MTDH: variants seen among roughly 807,000 people sequenced by gnomAD.
MTDH encodes the protein metadherin, also known as protein LYRIC.
In MTDH, 34 loss-of-function variants were observed where a neutral mutation model predicts 72.7. That is an observed-to-expected ratio of 0.47 (90% confidence interval 0.36 to 0.62). The LOEUF (loss-of-function observed/expected upper bound fraction) is 0.62. Among genes scored for constraint, MTDH ranks in the 20% least tolerant of loss-of-function variants. The pLI is 0.00. For missense variants in MTDH, 677 were observed against 699.4 expected, an observed-to-expected ratio of 0.97 and a Z score of 0.36; for synonymous variants, 266 against 268.9, an observed-to-expected ratio of 0.99 and a Z score of 0.10.
chr8:97,685,364 A>G (rs563461329), intron 2 of MTDH, among the ~76,000 whole-genome samples: 3 of 152,346 alleles, frequency 2.0e-5, no homozygotes, highest in Admixed American at 6.5e-5. Context: ...TTTTTAATGT[A>G]ATCTCTTGTC....
At chr8:97,664,539 C>T (rs1417194134) in intron 2 of MTDH, among the ~76,000 whole-genome samples, 1 of 152,176 alleles carries the variant, frequency 6.6e-6, no homozygotes, top group African/African-American at 2.4e-5. Flanking sequence ...ATACATGCTA[C>T]AACTCATGGC....
chr8:97,715,117 C>T lies in MTDH; in HGVS notation c.1380+1348C>T, dbSNP rs554673214. Among the ~76,000 whole-genome samples, 31 of 151,908 alleles carry T rather than the reference C, an allele frequency of 2.0e-4. 1 individual carries two copies. The highest frequency in any genetic ancestry group is 2.0e-4 in the Admixed American group (3 of 15,228). ...CTGGGATTACAGGCGTGAACCACCA[C>T]GCCCAGCCTTATTTATTTATTTATT... On this transcript the variant is annotated intron_variant, in intron 9 of 11. Coordinates refer to ENST00000336273, the MANE Select transcript of MTDH (RefSeq NM_178812.4).
At chr8:97,681,597 G>T (rs536526239) in intron 2 of MTDH, among the ~76,000 whole-genome samples, 7 of 150,278 alleles carry the variant, frequency 4.7e-5, no homozygotes, top group African/African-American at 1.7e-4. Flanking sequence ...GGGTTCAAGC[G>T]ATTCTTCTGC....
chr8:97,668,119 C>T (rs529364635), intron 2 of MTDH, among the ~76,000 whole-genome samples: 17 of 152,106 alleles, frequency 1.1e-4, no homozygotes, highest in African/African-American at 3.9e-4. Context: ...AACCCCGTCT[C>T]TACTGAAAAT....
chr8:97,661,935 G>GA (rs913003886), intron 2 of MTDH, among the ~76,000 whole-genome samples: 1 of 130,050 alleles, frequency 7.7e-6, no homozygotes, highest in Admixed American at 7.7e-5. Context: ...AAAAAAAAAA[G>GA]AAAAAAGATA....
At chr8:97,706,573 T>A in intron 7 of MTDH, 53 bp from the exon 8 acceptor site, 2 of 1,463,770 alleles carry the variant, frequency 1.4e-6, no homozygotes, top group Non-Finnish European at 1.8e-6. Context: ...AGTTTTTGCC[T>A]TTTAATTTAT....
rs546088857 is a variant in MTDH, at chr8:97,683,543, A to G, written c.484-3125A>G. Among the ~76,000 whole-genome samples, 78 of 150,516 alleles carry G rather than the reference A, an allele frequency of 5.2e-4. 1 individual carries two copies. Among genetic ancestry groups the G allele is most frequent in the Non-Finnish European group, 2.1e-4 (14 of 67,748 alleles). On this transcript the variant is annotated intron_variant, in intron 2 of 11. Coordinates refer to ENST00000336273, the MANE Select transcript of MTDH (RefSeq NM_178812.4). ...CCCAAGTAGCTGGAACCACAGTTGC[A>G]TGCCGCCACCCCCACTGATTTTTTT...
In MTDH at chr8:97,728,777, T is replaced by A. The variant is rs1161380509; in HGVS notation, c.*4107T>A. ...CTCGACAAAAAAAAAAAAAAAAAAT[T>A]AGAAACAAAAAAAAGATTGTTTCTC... On this transcript the variant is annotated 3_prime_UTR_variant, in exon 12 of 12. Coordinates refer to ENST00000336273, the MANE Select transcript of MTDH (RefSeq NM_178812.4). 1 of 146,538 alleles carries A rather than the reference T, an allele frequency of 6.8e-6. No individual in the cohort carries two copies. Among genetic ancestry groups the A allele is most frequent in the Non-Finnish European group, 1.5e-5 (1 of 67,106 alleles). The allele number at this position is 146,538 out of a possible 1,614,324, so 9.1% of individuals were successfully genotyped here.
intron 2 of MTDH, among the ~76,000 whole-genome samples, chr8:97,677,973 A>G (rs1293954718): frequency 6.6e-6 from 1 of 152,222 alleles, no homozygotes; most frequent in Admixed American, 6.5e-5. Context: ...TATTACAGCC[A>G]ATCAAAATGC....
intron 6 of MTDH, among the ~76,000 whole-genome samples, chr8:97,698,315 C>T (rs2513973): frequency 0.17 from 26,531 of 152,024 alleles, 3,473 homozygotes; most frequent in African/African-American, 0.34. Flanking sequence ...TGTGTGCGCA[C>T]GCCTGATGGA....
At chr8:97,646,572 A>C (rs1466891813) in intron 1 of MTDH, among the ~76,000 whole-genome samples, 2 of 152,156 alleles carry the variant, frequency 1.3e-5, no homozygotes, top group Non-Finnish European at 2.9e-5. Context: ...ATTTCAGATA[A>C]ACTTGAGTTG....
At chr8:97,658,970 C>CTAAAATA (rs1338366541) in intron 1 of MTDH, among the ~76,000 whole-genome samples, 19 of 151,944 alleles carry the variant, frequency 1.3e-4, no homozygotes, top group African/African-American at 4.6e-4. Flanking sequence ...AGTGAAACCC[C>CTAAAATA]GTCTCTACTA....
At chr8:97,660,195 A>G (rs994796162) in intron 1 of MTDH, among the ~76,000 whole-genome samples, 1 of 152,224 alleles carries the variant, frequency 6.6e-6, no homozygotes, top group African/African-American at 2.4e-5. Context: ...TCTGGTTAAA[A>G]GCCAGATTTG....
chr8:97,697,150 A>ATTTTTTTTTTTTTTTT (rs59102217), intron 6 of MTDH, among the ~76,000 whole-genome samples: 28 of 68,466 alleles, frequency 4.1e-4, no homozygotes, highest in East Asian at 6.8e-4. Flanking sequence ...ATATATATAT[A>ATTTTTTTTTTTTTTTT]TTTTTTTTTT....
At chr8:97,668,679 C>T (rs763246034) in intron 2 of MTDH, among the ~76,000 whole-genome samples, 6 of 151,968 alleles carry the variant, frequency 3.9e-5, no homozygotes, top group Non-Finnish European at 7.4e-5. Context: ...CTCAGCCTCC[C>T]GAGTAGCTGG....
At position 97,661,148 on chromosome 8, in the gene MTDH, C is replaced by T; in HGVS notation, c.458C>T (p.Pro153Leu). The part of the protein sequence containing the change: ...TPQSVTAKQP[P>L]EIDKKNEKSK... ...CAAAGTGTAACAGCAAAGCAGCCAC[C>T]AGAGATTGACAAGAAAAATGAAAAG... The change falls in exon 2 of 12, where the codon CCA becomes CTA. Residue 153 changes from proline to leucine, a missense_variant. Coordinates refer to ENST00000336273, the MANE Select transcript of MTDH (RefSeq NM_178812.4). 2 of 1,611,260 alleles carry T rather than the reference C, an allele frequency of 1.2e-6. No homozygotes were observed. Among genetic ancestry groups the T allele is most frequent in the Non-Finnish European group, 1.7e-6 (2 of 1,178,692 alleles).
At chr8:97,721,475 G>A (rs1040536319) in intron 10 of MTDH, among the ~76,000 whole-genome samples, 1 of 151,968 alleles carries the variant, frequency 6.6e-6, no homozygotes, top group Admixed American at 6.6e-5. Context: ...TCAGATACCT[G>A]GAATAGGAAG....
intron 8 of MTDH, 133 bp downstream of exon 8, chr8:97,706,883 A>T (rs1814376829): frequency 3.1e-6 from 3 of 974,050 alleles, no homozygotes; most frequent in Non-Finnish European, 4.3e-6. Flanking sequence ...GTTCAAGGCC[A>T]GCCTGGGCAA....
chr8:97,703,290 C>T (rs965512064), intron 7 of MTDH, among the ~76,000 whole-genome samples: 1 of 152,162 alleles, frequency 6.6e-6, no homozygotes, highest in Admixed American at 6.5e-5. Flanking sequence ...CCTGAGAAGT[C>T]TAGGCTACAG....
Sources: gnomAD v4.1 joint callset for allele counts (sites outside exome capture counted in the v4.1 genomes callset) on GRCh38, gnomAD v4.1.1 for gene constraint, MANE v1.5 for transcripts, NCBI Gene and HGNC (gene_info 2026-07-23, HGNC 2026-07-21) for gene names.